The following SIK3 variants were observed in gnomAD, a reference collection of about 807,000 sequenced individuals.
The protein encoded by SIK3 is serine/threonine-protein kinase SIK3.
SIK3 carries 28 observed loss-of-function variants against 144.2 expected under a neutral mutation model. The ratio of observed to expected loss-of-function variants is 0.19; its 90% CI spans 0.14 to 0.27. The LOEUF (loss-of-function observed/expected upper bound fraction) is 0.27. SIK3 is among the 10% of genes least tolerant of loss of function. SIK3 has a pLI of 1.00. For missense variants in SIK3, 1,319 were observed against 1,776.0 expected (o/e 0.74, Z 4.62); for synonymous variants, 686 against 676.3 (o/e 1.01, Z -0.22).
chr11:116,972,849 T>C (rs1949812506), intron 1 of SIK3, among the ~76,000 whole-genome samples: 1 of 152,062 alleles, frequency 6.6e-6, no homozygotes, highest in Non-Finnish European at 1.5e-5. Flanking sequence ...CATGCCTTTA[T>C]GTAATATCCT....
intron 4 of SIK3, among the ~76,000 whole-genome samples, chr11:116,898,847 G>A (rs1268507748): frequency 6.6e-6 from 1 of 151,168 alleles, no homozygotes; most frequent in Non-Finnish European, 1.5e-5. Flanking sequence ...ATTTGTTTGA[G>A]TTCATTGTAG....
At chr11:116,868,449 A>G (rs1028410831) in intron 14 of SIK3, among the ~76,000 whole-genome samples, 2 of 152,208 alleles carry the variant, frequency 1.3e-5, no homozygotes, top group Non-Finnish European at 2.9e-5. Context: ...CCAAAATACA[A>G]GTCAGAGGAA....
chr11:116,948,827 GA>G (rs1948795239), intron 3 of SIK3, among the ~76,000 whole-genome samples: 1 of 150,662 alleles, frequency 6.6e-6, no homozygotes, highest in Non-Finnish European at 1.5e-5. Context: ...ACTAGAAGAG[GA>G]AGAACAAACT....
At chr11:116,850,888 A>G (rs937926321) in intron 21 of SIK3, among the ~76,000 whole-genome samples, 1 of 152,218 alleles carries the variant, frequency 6.6e-6, no homozygotes, top group Non-Finnish European at 1.5e-5. Flanking sequence ...GTGCACCTGT[A>G]GTCCCAGCTA....
intron 1 of SIK3, among the ~76,000 whole-genome samples, chr11:116,986,747 G>T (rs1950338619): frequency 6.6e-6 from 1 of 152,168 alleles, no homozygotes; most frequent in African/African-American, 2.4e-5. Context: ...ACAGAAGACT[G>T]ACTGATACTC....
chr11:116,988,387 A>G (rs1950393886), intron 1 of SIK3, among the ~76,000 whole-genome samples: 1 of 151,548 alleles, frequency 6.6e-6, no homozygotes, highest in East Asian at 1.9e-4. Flanking sequence ...CTCTGACTCA[A>G]AAAAAAAGAA....
intron 4 of SIK3, among the ~76,000 whole-genome samples, chr11:116,898,101 T>C (rs1041641621): frequency 6.6e-6 from 1 of 151,892 alleles, no homozygotes; most frequent in African/African-American, 2.4e-5. Flanking sequence ...ATTAGGTATA[T>C]CTCCCAATGC....
intron 6 of SIK3, among the ~76,000 whole-genome samples, chr11:116,878,197 C>T (rs1370198122): frequency 2.0e-5 from 3 of 152,140 alleles, no homozygotes; most frequent in Admixed American, 6.5e-5. Flanking sequence ...GTCTCCTACC[C>T]GGTCTTTCTG....
At chr11:116,918,465 C>T (rs1946787305) in intron 4 of SIK3, among the ~76,000 whole-genome samples, 1 of 150,434 alleles carries the variant, frequency 6.6e-6, no homozygotes, top group African/African-American at 2.4e-5. Flanking sequence ...TTTTTCTATT[C>T]CCAACCTCTC....
intron 1 of SIK3, among the ~76,000 whole-genome samples, chr11:117,001,811 C>G (rs1950862556): frequency 6.6e-6 from 1 of 152,174 alleles, no homozygotes; most frequent in South Asian, 2.1e-4. Context: ...ATTAATGAGT[C>G]TCCAATGAAT....
At chr11:116,985,100 T>C (rs1950283670) in intron 1 of SIK3, among the ~76,000 whole-genome samples, 1 of 152,230 alleles carries the variant, frequency 6.6e-6, no homozygotes, top group Non-Finnish European at 1.5e-5. Context: ...TTTTATCTCA[T>C]GTTTATTGGT....
intron 1 of SIK3, among the ~76,000 whole-genome samples, chr11:117,059,421 GC>G (rs34992009): frequency 0.46 from 69,331 of 152,106 alleles, 19,164 homozygotes; most frequent in Non-Finnish European, 0.64. Context: ...TATTTGTTTA[GC>G]CAAATAATTT....
chr11:116,970,844 G>T (rs543317465), intron 1 of SIK3, among the ~76,000 whole-genome samples: 1 of 151,092 alleles, frequency 6.6e-6, no homozygotes, highest in South Asian at 2.1e-4. Context: ...GAAGGGTCTT[G>T]CTCTTTTGCC....
At chr11:117,009,636 T>C (rs896421404) in intron 1 of SIK3, among the ~76,000 whole-genome samples, 12 of 152,132 alleles carry the variant, frequency 7.9e-5, no homozygotes, top group Middle Eastern at 3.4e-3. Flanking sequence ...AATTCATAAA[T>C]ACCATAAAAG....
At chr11:116,998,683 T>C (rs1255323742) in intron 1 of SIK3, among the ~76,000 whole-genome samples, 6 of 152,202 alleles carry the variant, frequency 3.9e-5, no homozygotes, top group Non-Finnish European at 7.4e-5. Flanking sequence ...CAACCAACTT[T>C]ATCACTCTAA....
chr11:117,063,632 C>G (rs866306653), intron 1 of SIK3, among the ~76,000 whole-genome samples: 2 of 147,610 alleles, frequency 1.4e-5, no homozygotes, highest in Non-Finnish European at 3.0e-5. Context: ...GTTGCCCAGG[C>G]TGGAGTGTAA....
At chr11:117,059,210 G>T (rs138773347) in intron 1 of SIK3, among the ~76,000 whole-genome samples, 1 of 152,250 alleles carries the variant, frequency 6.6e-6, no homozygotes, top group East Asian at 1.9e-4. Context: ...GGAGAAGAAA[G>T]ACCAAGTCAG....
intron 1 of SIK3, among the ~76,000 whole-genome samples, chr11:116,999,705 G>A (rs775187898): frequency 6.6e-6 from 1 of 152,064 alleles, no homozygotes. Context: ...GATTACAGGC[G>A]TGAGCCACTG....
At chr11:116,933,488 A>C (rs1435161677) in intron 3 of SIK3, among the ~76,000 whole-genome samples, 1 of 152,260 alleles carries the variant, frequency 6.6e-6, no homozygotes, top group African/African-American at 2.4e-5. Flanking sequence ...ATAGATGTAC[A>C]AGAGTTTCCT....
Sources: allele counts gnomAD v4.1 joint callset (sites outside exome capture counted in the v4.1 genomes callset), GRCh38; gene constraint gnomAD v4.1.1; transcripts MANE v1.5; gene names NCBI Gene and HGNC (gene_info 2026-07-23, HGNC 2026-07-21).